CUX2: variants seen among roughly 807,000 people sequenced by gnomAD.
CUX2 encodes homeobox protein cut-like 2.
CUX2 carries 40 observed loss-of-function variants against 144.8 expected under a neutral mutation model. The observed-to-expected ratio is 0.28, with a 90% CI of 0.21 to 0.36. The LOEUF (loss-of-function observed/expected upper bound fraction) is 0.36, where lower values mean the gene tolerates loss of function less well. Ranked by LOEUF, CUX2 falls within the 10% of genes least tolerant of loss-of-function variation. The probability of loss-of-function intolerance (pLI) is 1.00; values close to 1 mark genes in which losing one functional copy is unlikely to be tolerated. For missense variants in CUX2, 1,615 were observed against 1,994.0 expected (o/e 0.81, Z 3.62); for synonymous variants, 827 against 875.6 (o/e 0.94, Z 0.98).
At chr12:111,192,274 A>C (rs952069445) in intron 1 of CUX2, among the ~76,000 whole-genome samples, 1 of 151,904 alleles carries the variant, frequency 6.6e-6, no homozygotes, top group Non-Finnish European at 1.5e-5. Flanking sequence ...CTACAAGCAC[A>C]CACCACCGAC....
intron 3 of CUX2, among the ~76,000 whole-genome samples, chr12:111,222,864 A>AGGG (rs1475346143): frequency 2.0e-5 from 3 of 152,124 alleles, no homozygotes; most frequent in African/African-American, 7.2e-5. Context: ...AGCTTAGAGA[A>AGGG]GGGGGTAAAG....
Position 111,274,730 on chromosome 12 carries a change from G to A in CUX2, c.301+10891G>A, listed in dbSNP as rs1013762204. 3.9e-5 allele frequency among the ~76,000 whole-genome samples: 6 copies of A among 152,266 alleles called. No homozygotes were observed. The South Asian group carries it at 8.3e-4, about 21-fold the overall frequency. On this transcript the variant is annotated intron_variant, in intron 4 of 21. Transcript: ENST00000261726. ...TCAATAGCCTGAGCCTCCCACCCCC[G>A]CAGGCGCCCGGAGCCTGGGCCCAGA...
At chr12:111,150,510 G>A (rs1331039847) in intron 1 of CUX2, among the ~76,000 whole-genome samples, 1 of 152,160 alleles carries the variant, frequency 6.6e-6, no homozygotes, top group African/African-American at 2.4e-5. Context: ...TCTCACTTTG[G>A]TTTTTCCCCC....
chr12:111,144,499 C>T (rs948974941), intron 1 of CUX2, among the ~76,000 whole-genome samples: 4 of 152,240 alleles, frequency 2.6e-5, no homozygotes, highest in Non-Finnish European at 4.4e-5. Flanking sequence ...GAGAGCCTCC[C>T]CTGACCCCAG....
chr12:111,323,726 T>C (rs1311869886), intron 18 of CUX2, among the ~76,000 whole-genome samples: 2 of 151,404 alleles, frequency 1.3e-5, no homozygotes, highest in Non-Finnish European at 2.9e-5. Context: ...ATCATCCCAC[T>C]GCACTCCGGC....
At position 111,257,001 on chromosome 12, in the gene CUX2, G is replaced by A. The variant is rs140334984; in HGVS notation, c.223-6760G>A. On this transcript the variant is annotated intron_variant, in intron 3 of 21. Transcript: ENST00000261726. ...TAACCACCTGGCTGAAAAGAGCTAT[G>A]TGGCTAGAACAGGCTTGACTCGCCC... Among the ~76,000 whole-genome samples, 164 of 152,250 alleles carry A rather than the reference G, an allele frequency of 1.1e-3. 2 individuals carry two copies. The highest frequency in any genetic ancestry group is 3.8e-3 in the African/African-American group (159 of 41,552).
At chr12:111,147,844 G>A (rs935650005) in intron 1 of CUX2, among the ~76,000 whole-genome samples, 5 of 152,146 alleles carry the variant, frequency 3.3e-5, no homozygotes, top group South Asian at 2.1e-4. Context: ...CTCAGCAAAC[G>A]AGTCCTCCAG....
At chr12:111,074,238 C>G (rs1051659439) in intron 1 of CUX2, among the ~76,000 whole-genome samples, 2 of 151,960 alleles carry the variant, frequency 1.3e-5, no homozygotes, top group African/African-American at 4.9e-5. Flanking sequence ...CGAGGCTTCT[C>G]ATTTGAATCA....
intron 1 of CUX2, among the ~76,000 whole-genome samples, chr12:111,173,637 A>T (rs1245506665): frequency 6.6e-6 from 1 of 152,190 alleles, no homozygotes; most frequent in Non-Finnish European, 1.5e-5. Context: ...ACAGCAGGAA[A>T]CTGGCCTCAT....
chr12:111,088,963 T>C (rs1209993181), intron 1 of CUX2, among the ~76,000 whole-genome samples: 1 of 152,116 alleles, frequency 6.6e-6, no homozygotes, highest in Non-Finnish European at 1.5e-5. Flanking sequence ...TGCTGACCCC[T>C]CAGGAGTTAC....
intron 1 of CUX2, chr12:111,100,195 G>A: frequency 2.7e-6 from 1 of 376,974 alleles, no homozygotes; most frequent in South Asian, 1.9e-5. Context: ...GTGTGTGTGT[G>A]TGTGTGTATG....
intron 21 of CUX2, among the ~76,000 whole-genome samples, chr12:111,342,381 C>T (rs769997402): frequency 8.6e-5 from 13 of 151,538 alleles, no homozygotes; most frequent in South Asian, 2.1e-4. Flanking sequence ...CTTGGGAGGC[C>T]GAAGTGAGAG....
intron 3 of CUX2, among the ~76,000 whole-genome samples, chr12:111,223,895 G>A (rs933706111): frequency 6.6e-5 from 10 of 152,092 alleles, no homozygotes; most frequent in African/African-American, 1.9e-4. Flanking sequence ...GGGGGAGTAG[G>A]GAACCCTCCC....
intron 1 of CUX2, among the ~76,000 whole-genome samples, chr12:111,182,773 T>G (rs189352207): frequency 1.3e-5 from 2 of 152,280 alleles, no homozygotes; most frequent in Admixed American, 1.3e-4. Context: ...GTGGTCATCT[T>G]CGTTCAGGTG....
chr12:111,169,756 A>G (rs867780705), intron 1 of CUX2, among the ~76,000 whole-genome samples: 1 of 152,224 alleles, frequency 6.6e-6, no homozygotes. Flanking sequence ...TTTAGAACAG[A>G]ATATTATTTA....
chr12:111,226,032 C>T (rs1196970311), intron 3 of CUX2, among the ~76,000 whole-genome samples: 1 of 152,216 alleles, frequency 6.6e-6, no homozygotes, highest in Non-Finnish European at 1.5e-5. Context: ...CAACCTCCGC[C>T]TCCCGGGTTC....
intron 3 of CUX2, among the ~76,000 whole-genome samples, chr12:111,230,436 C>T (rs534451556): frequency 6.6e-6 from 1 of 152,302 alleles, no homozygotes; most frequent in South Asian, 2.1e-4. Context: ...CCATCCCCCA[C>T]CTCCATGTCC....
At position 111,077,270 on chromosome 12, in the gene CUX2, C is replaced by A. The variant is rs1592869743; in HGVS notation, c.63+43030C>A. Among the ~76,000 whole-genome samples, 1 of 152,332 alleles carries A rather than the reference C, an allele frequency of 6.6e-6. No homozygotes were observed. The highest frequency in any genetic ancestry group is 2.1e-4 in the South Asian group (1 of 4,824). On this transcript the variant is annotated intron_variant, in intron 1 of 21. Transcript: ENST00000261726. This position sits in a 1 kb window ranked among gnomAD's most constrained non-coding sequence, Gnocchi z 4.1. Reference sequence around the variant, plus strand: ...GCCCTGCTTGGGGAGTTGAAAGAGGCCTTTCCTTGAAACGCGCAGCCGTGT... The same window carrying A: ...GCCCTGCTTGGGGAGTTGAAAGAGGACTTTCCTTGAAACGCGCAGCCGTGT...
At chr12:111,213,855 C>G (rs1184975051) in intron 1 of CUX2, among the ~76,000 whole-genome samples, 1 of 150,104 alleles carries the variant, frequency 6.7e-6, no homozygotes, top group African/African-American at 2.5e-5. Flanking sequence ...CAGTTACTGA[C>G]AAGCTTATGC....
Sources: gnomAD v4.1 joint callset for allele counts (sites outside exome capture counted in the v4.1 genomes callset) on GRCh38, gnomAD v4.1.1 for gene constraint, Gnocchi (gnomAD v3.1) non-coding constraint, MANE v1.5 for transcripts, NCBI Gene and HGNC (gene_info 2026-07-23, HGNC 2026-07-21) for gene names.